Variants in TXNRD1 observed in about 807,000 individuals in gnomAD.
TXNRD1 encodes the protein thioredoxin reductase 1.
In TXNRD1, 57 loss-of-function variants were observed where a neutral mutation model predicts 80.3. That is an observed-to-expected ratio of 0.71 (90% CI 0.57 to 0.89). TXNRD1 has a LOEUF of 0.89. Ranked by LOEUF, TXNRD1 falls within the 40% of genes least tolerant of loss-of-function variation. The probability of loss-of-function intolerance (pLI) is 0.00; values close to 1 mark genes in which losing one functional copy is unlikely to be tolerated. For synonymous variants in TXNRD1, 291 were observed against 285.2 expected (o/e 1.02, Z -0.20); for missense variants, 730 against 803.0 (o/e 0.91, Z 1.10).
At chr12:104,220,156 C>G (rs928764462) in intron 1 of TXNRD1, among the ~76,000 whole-genome samples, 1 of 152,136 alleles carries the variant, frequency 6.6e-6, no homozygotes, top group South Asian at 2.1e-4. Flanking sequence ...CTGCAGATCA[C>G]TGAGGCTGAT....
chr12:104,226,743 C>T (rs2032482166), intron 1 of TXNRD1, among the ~76,000 whole-genome samples: 1 of 152,112 alleles, frequency 6.6e-6, no homozygotes, highest in Non-Finnish European at 1.5e-5. Context: ...AGGTCTGTCT[C>T]CCATAAAATT....
At chr12:104,286,842 C>T (rs866669573) in intron 3 of TXNRD1, 4 of 1,068,294 alleles carry the variant, frequency 3.7e-6, no homozygotes, top group South Asian at 2.8e-5. Context: ...TATGAGCAGG[C>T]AGAGGATGTG....
chr12:104,224,624 T>A (rs983529768), intron 1 of TXNRD1, among the ~76,000 whole-genome samples: 9 of 152,206 alleles, frequency 5.9e-5, no homozygotes, highest in African/African-American at 2.2e-4. Context: ...GACCTTGTGA[T>A]CTGCCTGCCT....
At chr12:104,295,387 C>T (rs938876304) in intron 4 of TXNRD1, among the ~76,000 whole-genome samples, 1 of 152,190 alleles carries the variant, frequency 6.6e-6, no homozygotes. Context: ...TAACTGGCCT[C>T]CCACTTCTGA....
chr12:104,271,426 C>T (rs1411888730), intron 3 of TXNRD1, among the ~76,000 whole-genome samples: 1 of 152,084 alleles, frequency 6.6e-6, no homozygotes, highest in Non-Finnish European at 1.5e-5. Flanking sequence ...ATCTGCCCGC[C>T]TTAGCCTCCC....
chr12:104,331,214 T>C (rs111392528), intron 13 of TXNRD1, among the ~76,000 whole-genome samples: 1,898 of 152,242 alleles, frequency 0.012, 43 homozygotes, highest in African/African-American at 0.044. Context: ...GGTACACCAG[T>C]ATTATTTTTG....
chr12:104,333,073 A>G (rs956083816), intron 14 of TXNRD1, among the ~76,000 whole-genome samples: 9 of 151,626 alleles, frequency 5.9e-5, no homozygotes, highest in African/African-American at 1.7e-4. Context: ...ATCTCCATTT[A>G]AAAAAAATGT....
chr12:104,222,850 C>CA (rs1565850407), intron 1 of TXNRD1, among the ~76,000 whole-genome samples: 4 of 152,128 alleles, frequency 2.6e-5, no homozygotes, highest in Admixed American at 1.3e-4. Context: ...GACTCTGTCT[C>CA]AAAAAACAAA....
chr12:104,259,324 T>G (rs1480339555), intron 3 of TXNRD1, among the ~76,000 whole-genome samples: 5 of 149,538 alleles, frequency 3.3e-5, no homozygotes, highest in African/African-American at 1.2e-4. Context: ...GAGGTTACAC[T>G]GAGCCAAGAT....
At chr12:104,308,153 G>A (rs770799070) in intron 4 of TXNRD1, among the ~76,000 whole-genome samples, 2 of 151,958 alleles carry the variant, frequency 1.3e-5, no homozygotes, top group African/African-American at 4.8e-5. Flanking sequence ...CTGCCACCAC[G>A]CCCAGCTAAT....
intron 12 of TXNRD1, among the ~76,000 whole-genome samples, chr12:104,327,220 A>G (rs759911295): frequency 3.3e-5 from 5 of 151,998 alleles, no homozygotes; most frequent in Non-Finnish European, 7.4e-5. Flanking sequence ...TCTTTTATCC[A>G]TTTTGAGGGG....
At chr12:104,227,065 G>T (rs1393889861) in intron 1 of TXNRD1, among the ~76,000 whole-genome samples, 33 of 152,126 alleles carry the variant, frequency 2.2e-4, no homozygotes, top group Non-Finnish European at 1.5e-5. Context: ...CTACATTCAA[G>T]TACATTTCTG....
chr12:104,323,776 CCCGGACGGGGCGGCTGG>C (rs1167185153), intron 10 of TXNRD1, among the ~76,000 whole-genome samples: 3 of 143,924 alleles, frequency 2.1e-5, no homozygotes, highest in Admixed American at 6.8e-5. Flanking sequence ...CCCCTCACCT[CCCGGACGGGGCGGCTGG>C]CCGGGCGGGG....
intron 3 of TXNRD1, chr12:104,282,992 A>G (rs1242342494): frequency 6.6e-6 from 1 of 152,172 alleles, no homozygotes; most frequent in Non-Finnish European, 1.5e-5. Context: ...TTACTGCACC[A>G]GGTCGGGAGG....
At chr12:104,292,900 G>C (rs1435142228) in intron 4 of TXNRD1, among the ~76,000 whole-genome samples, 2 of 152,182 alleles carry the variant, frequency 1.3e-5, no homozygotes, top group African/African-American at 4.8e-5. Context: ...GAACCCAATG[G>C]GGGAGGAACA....
intron 1 of TXNRD1, among the ~76,000 whole-genome samples, chr12:104,218,863 C>T (rs2032282032): frequency 6.6e-6 from 1 of 152,160 alleles, no homozygotes; most frequent in Non-Finnish European, 1.5e-5. Context: ...CCACCTTGGC[C>T]TCCCAGAGTG....
chr12:104,263,429 G>A (rs2033409701), intron 3 of TXNRD1, among the ~76,000 whole-genome samples: 1 of 152,166 alleles, frequency 6.6e-6, no homozygotes, highest in African/African-American at 2.4e-5. Flanking sequence ...TCCTAGATGT[G>A]ATGGTGTCTG....
intron 3 of TXNRD1, among the ~76,000 whole-genome samples, chr12:104,277,399 C>A (rs1337591280): frequency 2.6e-4 from 35 of 134,564 alleles, no homozygotes; most frequent in South Asian, 4.9e-4. Flanking sequence ...GACTCTGTCT[C>A]AAAAAAAAAA....
At chr12:104,244,901 T>C (rs12306930) in intron 1 of TXNRD1, among the ~76,000 whole-genome samples, 3,667 of 152,290 alleles carry the variant, frequency 0.024, 129 homozygotes, top group African/African-American at 0.084. Flanking sequence ...AGAGAAAAGC[T>C]GTGGCAAGGT....
Sources: gnomAD v4.1 joint callset for allele counts (sites outside exome capture counted in the v4.1 genomes callset) on GRCh38, gnomAD v4.1.1 for gene constraint, MANE v1.5 for transcripts, NCBI Gene and HGNC (gene_info 2026-07-23, HGNC 2026-07-21) for gene names.